LRCH3: variants seen among roughly 807,000 people sequenced by gnomAD.
The protein encoded by LRCH3 is DISP complex protein LRCH3.
LRCH3 carries 68 observed loss-of-function variants against 104.5 expected under a neutral mutation model. That is an observed-to-expected ratio of 0.65 (90% CI 0.54 to 0.80). LRCH3 has a LOEUF of 0.80. Among genes scored for constraint, LRCH3 ranks in the 30% least tolerant of loss-of-function variants. The pLI is 0.00. For missense variants in LRCH3, 951 were observed against 953.9 expected (o/e 1.00, Z 0.04); for synonymous variants, 344 against 361.3 (o/e 0.95, Z 0.54).
chr3:197,812,966 G>A (rs937636079), intron 1 of LRCH3, among the ~76,000 whole-genome samples: 3 of 152,200 alleles, frequency 2.0e-5, no homozygotes, highest in African/African-American at 7.2e-5. Flanking sequence ...CTTTTCCACA[G>A]TGGCTGTTTC....
At chr3:197,849,732 A>C (rs577111018) in intron 12 of LRCH3, among the ~76,000 whole-genome samples, 7 of 152,270 alleles carry the variant, frequency 4.6e-5, no homozygotes, top group African/African-American at 1.4e-4. Flanking sequence ...TTTATAGTAC[A>C]TTTGTTTTCT....
At chr3:197,831,092 T>G (rs1735872523) in intron 7 of LRCH3, 1 of 405,212 alleles carries the variant, frequency 2.5e-6, no homozygotes, top group African/African-American at 2.0e-5. Flanking sequence ...TGGAAATAGT[T>G]TCATATCATA....
chr3:197,878,413 CCTGTTCCT>C (rs1713152650), intron 20 of LRCH3, among the ~76,000 whole-genome samples: 1 of 152,068 alleles, frequency 6.6e-6, no homozygotes, highest in Admixed American at 6.6e-5. Flanking sequence ...CCAGCCTGCC[CCTGTTCCT>C]ACCAGAGCTG....
chr3:197,800,060 G>A (rs1224362028), intron 1 of LRCH3, among the ~76,000 whole-genome samples: 3 of 151,764 alleles, frequency 2.0e-5, no homozygotes, highest in African/African-American at 7.3e-5. Context: ...GTGCTGGCAG[G>A]TGTTTGTAAT....
chr3:197,872,336 GAGAGAGCAAGACC>G (rs1712299445), intron 19 of LRCH3, among the ~76,000 whole-genome samples: 2 of 140,954 alleles, frequency 1.4e-5, no homozygotes, highest in African/African-American at 5.3e-5. Flanking sequence ...CAGCCTAGGT[GAGAGAGCAAGACC>G]CTGTCTCAAA....
At position 197,832,153 on chromosome 3, in the gene LRCH3, G is replaced by C. The variant is rs551121436; in HGVS notation, c.982-44G>C. On this transcript the variant is annotated intron_variant, in intron 7 of 20. Coordinates refer to ENST00000425562, the MANE Select transcript of LRCH3 (RefSeq NM_001365715.1). ...CATGGATTACAGGCATGATCTGCCA[G>C]GCTCTAAAATGATTGTTTTTAATGT... The C allele has an allele frequency of 2.5e-6, 4 of 1,580,362 alleles. No homozygotes were observed. In the South Asian group the frequency reaches 4.5e-5, roughly 18 times the overall value.
chr3:197,838,468 G>C (rs993825790), intron 9 of LRCH3, among the ~76,000 whole-genome samples: 3 of 151,876 alleles, frequency 2.0e-5, no homozygotes, highest in African/African-American at 7.3e-5. Context: ...GAAGTAGATG[G>C]TAAGTAGTTT....
chr3:197,817,810 C>T (rs575325953), intron 3 of LRCH3, among the ~76,000 whole-genome samples: 1 of 151,738 alleles, frequency 6.6e-6, no homozygotes, highest in Non-Finnish European at 1.5e-5. Context: ...TACTTCATTG[C>T]CATGTTTGTT....
At chr3:197,838,842 T>C (rs1458240403) in intron 9 of LRCH3, among the ~76,000 whole-genome samples, 1 of 152,206 alleles carries the variant, frequency 6.6e-6, no homozygotes, top group Non-Finnish European at 1.5e-5. Context: ...ACTGTTTGTA[T>C]GAGTATGATA....
At chr3:197,848,580 T>C (rs946701560) in intron 12 of LRCH3, 2 of 152,666 alleles carry the variant, frequency 1.3e-5, no homozygotes, top group Non-Finnish European at 2.9e-5. Flanking sequence ...GAAATCGTCA[T>C]TTTTTCTTCA....
intron 19 of LRCH3, among the ~76,000 whole-genome samples, chr3:197,875,224 C>T (rs1378660458): frequency 6.6e-6 from 1 of 152,204 alleles, no homozygotes; most frequent in Non-Finnish European, 1.5e-5. Flanking sequence ...GCCACCGCAC[C>T]TGGCATTGCA....
chr3:197,832,061 G>A, intron 7 of LRCH3, 136 bp from the exon 8 acceptor site: 1 of 766,672 alleles, frequency 1.3e-6, no homozygotes, highest in South Asian at 2.1e-5. Context: ...TTACAGGCAT[G>A]TGTGAGCACA....
At position 197,870,213 on chromosome 3, in the gene LRCH3, T is replaced by A. The variant is rs751904143; in HGVS notation, c.1927T>A (p.Ser643Thr). Residue 643 changes from serine to threonine, a missense_variant, in exon 18 of 21, where the codon TCC (serine) becomes ACC (threonine). Transcript: ENST00000425562. ...TGCACCTACCACTGATTCTACAGAT[T>A]CCATAACAGGACAGAATTCAAGACA... ...SAAPTTDSTD[S>T]ITGQNSRQRE... 6.2e-7 allele frequency: 1 copy of A among 1,613,166 alleles called. No homozygotes were observed. The highest frequency in any genetic ancestry group is 8.5e-7 in the Non-Finnish European group (1 of 1,179,120).
chr3:197,882,816 C>T lies in LRCH3; in HGVS notation c.2209-725C>T, dbSNP rs1713901576. ...CATGTTGGTAATCAACATGTTCCTG[C>T]CTAAGCTTACATAGTAGTTCCCTGG... On this transcript the variant is annotated intron_variant, in intron 20 of 20. Coordinates refer to ENST00000425562, the MANE Select transcript of LRCH3 (RefSeq NM_001365715.1). The T allele has an allele frequency of 3.0e-6, 3 of 985,232 alleles. No individual in the cohort carries two copies. The African/African-American group carries it at 5.2e-5, about 17-fold the overall frequency. The allele number at this position is 985,232 out of a possible 1,614,324, so 61.0% of individuals were successfully genotyped here.
intron 12 of LRCH3, chr3:197,850,947 C>G: frequency 1.3e-6 from 1 of 797,568 alleles, no homozygotes; most frequent in Non-Finnish European, 2.3e-6. Context: ...AAGTGAATAG[C>G]GAACCATTTT....
intron 10 of LRCH3, among the ~76,000 whole-genome samples, chr3:197,846,724 A>G (rs1580785660): frequency 6.6e-6 from 1 of 152,266 alleles, no homozygotes; most frequent in East Asian, 1.9e-4. Flanking sequence ...GCCACGTCCT[A>G]AACGTCAGAC....
chr3:197,805,873 A>G (rs1377578274), intron 1 of LRCH3, among the ~76,000 whole-genome samples: 1 of 152,156 alleles, frequency 6.6e-6, no homozygotes, highest in African/African-American at 2.4e-5. Context: ...CTTACAGGGA[A>G]GTGTACATAC....
chr3:197,838,318 G>A (rs1161256465), intron 9 of LRCH3, among the ~76,000 whole-genome samples: 4 of 152,210 alleles, frequency 2.6e-5, no homozygotes, highest in African/African-American at 7.2e-5. Context: ...TTGCATCAGA[G>A]TTGTAGAATT....
At chr3:197,864,815 GGTTGAGACTAACC>G (rs1300055057) in intron 15 of LRCH3, among the ~76,000 whole-genome samples, 1 of 150,952 alleles carries the variant, frequency 6.6e-6, no homozygotes, top group Admixed American at 6.6e-5. Flanking sequence ...GAGCTCAGGA[GGTTGAGACTAACC>G]TGGCTAACAT....
Sources: gnomAD v4.1 joint callset for allele counts (sites outside exome capture counted in the v4.1 genomes callset) on GRCh38, gnomAD v4.1.1 for gene constraint, MANE v1.5 for transcripts, NCBI Gene and HGNC (gene_info 2026-07-23, HGNC 2026-07-21) for gene names.